MMP16: variants seen among roughly 807,000 people sequenced by gnomAD.
MMP16 encodes the protein matrix metallopeptidase 16.
A neutral mutation model predicts 67.8 loss-of-function variants in MMP16; 12 were observed. The observed-to-expected ratio is 0.18, with a 90% CI of 0.11 to 0.29. MMP16 has a LOEUF of 0.29. Ranked by LOEUF, MMP16 falls within the 10% of genes least tolerant of loss-of-function variation. The pLI, the probability that MMP16 is intolerant of heterozygous loss-of-function variation, is 1.00. For synonymous variants in MMP16, 249 were observed against 255.9 expected, an observed-to-expected ratio of 0.97 and a Z score of 0.26; for missense variants, 475 against 765.7, an observed-to-expected ratio of 0.62 and a Z score of 4.48.
chr8:88,088,084 A>ATATATAATAGATATATATATATC lies in MMP16; in HGVS notation c.1084-13342_1084-13341insGATATATATATATCTATTATATA, dbSNP rs1554577141. ...ATATATAATAGATATCTATATATCT[A>ATATATAATAGATATATATATATC]TATATAATAGATATCTGCTGACTGT... On this transcript the variant is annotated intron_variant, in intron 6 of 9. Coordinates refer to ENST00000286614, the MANE Select transcript of MMP16 (RefSeq NM_005941.5). Among the ~76,000 whole-genome samples the ATATATAATAGATATATATATATC allele has an allele frequency of 2.5e-4, 29 of 113,754 alleles. 1 individual carries two copies. The East Asian group carries it at 6.7e-3, about 26-fold the overall frequency. The allele number at this position is 113,754 out of a possible 152,430, so 74.6% of individuals were successfully genotyped here.
intron 2 of MMP16, among the ~76,000 whole-genome samples, chr8:88,190,395 T>C (rs1809151881): frequency 6.6e-6 from 1 of 152,184 alleles, no homozygotes; most frequent in Non-Finnish European, 1.5e-5. Flanking sequence ...AAACATTTGA[T>C]TTCATAAGCA....
chr8:88,072,688 T>C (rs571297433), intron 7 of MMP16, among the ~76,000 whole-genome samples: 2 of 152,282 alleles, frequency 1.3e-5, no homozygotes, highest in South Asian at 2.1e-4. Context: ...TTAATTGAAA[T>C]GTTTATTGAG....
At chr8:88,173,294 C>T (rs990815345) in intron 3 of MMP16, among the ~76,000 whole-genome samples, 1 of 152,140 alleles carries the variant, frequency 6.6e-6, no homozygotes, top group Non-Finnish European at 1.5e-5. Flanking sequence ...TCAAGCGATT[C>T]ACTCACCTTG....
intron 1 of MMP16, among the ~76,000 whole-genome samples, chr8:88,237,705 T>G (rs771358775): frequency 6.6e-6 from 1 of 152,084 alleles, no homozygotes; most frequent in African/African-American, 2.4e-5. Flanking sequence ...ATCTTGGGTA[T>G]GGCACGTACA....
intron 4 of MMP16, among the ~76,000 whole-genome samples, chr8:88,121,575 T>C (rs1022496867): frequency 9.9e-5 from 15 of 152,010 alleles, no homozygotes; most frequent in Admixed American, 2.0e-4. Context: ...TGCTGTAACT[T>C]ATCATTAATT....
At position 88,327,248 on chromosome 8, in the gene MMP16, T is replaced by C; in HGVS notation, c.-42A>G. 1 of 1,611,036 alleles carries C rather than the reference T, an allele frequency of 6.2e-7. No individual in the cohort carries two copies. ...ATGGATGGACGAGCTCCCCTTCGTT[T>C]TCTCCCTCTCTCCCTCTCCCTCCCT... On this transcript the variant is annotated 5_prime_UTR_variant, in exon 1 of 10. Coordinates refer to ENST00000286614, the MANE Select transcript of MMP16 (RefSeq NM_005941.5).
chr8:88,317,801 C>G (rs1004558050), intron 1 of MMP16, among the ~76,000 whole-genome samples: 1 of 151,894 alleles, frequency 6.6e-6, no homozygotes, highest in African/African-American at 2.4e-5. Flanking sequence ...TTTTTTACAT[C>G]TATTGGTCAA....
chr8:88,266,065 T>C (rs1444235520), intron 1 of MMP16, among the ~76,000 whole-genome samples: 2 of 152,230 alleles, frequency 1.3e-5, no homozygotes, highest in East Asian at 3.8e-4. Flanking sequence ...AGGGACATGA[T>C]TCTCTGTGTA....
intron 7 of MMP16, among the ~76,000 whole-genome samples, chr8:88,060,054 G>C (rs1808378110): frequency 6.6e-6 from 1 of 151,432 alleles, no homozygotes; most frequent in Non-Finnish European, 1.5e-5. Context: ...AGTGTAGCAA[G>C]TTCCTGGCTG....
chr8:88,076,936 C>T (rs981234727), intron 6 of MMP16, among the ~76,000 whole-genome samples: 1 of 152,116 alleles, frequency 6.6e-6, no homozygotes, highest in African/African-American at 2.4e-5. Context: ...CACAAAAGCC[C>T]TTCCCATTGC....
In MMP16 at chr8:88,265,519, G is replaced by A. The variant is rs576347030; in HGVS notation, c.132+61556C>T. On this transcript the variant is annotated intron_variant, in intron 1 of 9. Coordinates refer to ENST00000286614, the MANE Select transcript of MMP16 (RefSeq NM_005941.5). ...ATGAAGCTGTAAGTACTATGACAGA[G>A]ACAACCTAGTAAAATATGGGTAAAG... Among the ~76,000 whole-genome samples the A allele has an allele frequency of 2.6e-5, 4 of 152,204 alleles. No individual in the cohort carries two copies. The South Asian group carries it at 8.3e-4, about 32-fold the overall frequency.
At chr8:88,194,921 T>C (rs768628994) in intron 2 of MMP16, among the ~76,000 whole-genome samples, 4 of 152,150 alleles carry the variant, frequency 2.6e-5, no homozygotes, top group Non-Finnish European at 4.4e-5. Flanking sequence ...AATTATGGGC[T>C]GCCTATATAG....
chr8:88,322,243 ATGT>A (rs1162024748), intron 1 of MMP16, among the ~76,000 whole-genome samples: 3 of 152,148 alleles, frequency 2.0e-5, no homozygotes, highest in Admixed American at 2.0e-4. Context: ...AGCGAACGTG[ATGT>A]TGTAAAAGAA....
At chr8:88,273,082 T>C (rs894619327) in intron 1 of MMP16, among the ~76,000 whole-genome samples, 6 of 149,058 alleles carry the variant, frequency 4.0e-5, no homozygotes, top group Non-Finnish European at 8.9e-5. Flanking sequence ...AAATAGAAAA[T>C]AACCTGCCCT....
intron 4 of MMP16, among the ~76,000 whole-genome samples, chr8:88,136,601 A>G (rs2118490425): frequency 6.6e-6 from 1 of 151,638 alleles, no homozygotes; most frequent in Admixed American, 6.6e-5. Flanking sequence ...TCATTTTTGA[A>G]CTTCATATTA....
chr8:88,176,701 T>C (rs990398038), intron 3 of MMP16, among the ~76,000 whole-genome samples: 1 of 152,202 alleles, frequency 6.6e-6, no homozygotes, highest in Non-Finnish European at 1.5e-5. Context: ...ATCTATAAAG[T>C]CTACTTTGGC....
intron 1 of MMP16, among the ~76,000 whole-genome samples, chr8:88,322,243 A>G (rs1228783974): frequency 6.6e-6 from 1 of 152,264 alleles, no homozygotes; most frequent in Non-Finnish European, 1.5e-5. Context: ...AGCGAACGTG[A>G]TGTTGTAAAA....
chr8:88,118,980 A>G, intron 4 of MMP16, 119 bp from the exon 5 acceptor site: 3 of 953,150 alleles, frequency 3.1e-6, no homozygotes, highest in Non-Finnish European at 4.6e-6. Flanking sequence ...CTTTCCTTCA[A>G]CTATTTGTAT....
At chr8:88,324,150 C>T (rs1232772820) in intron 1 of MMP16, among the ~76,000 whole-genome samples, 1 of 152,132 alleles carries the variant, frequency 6.6e-6, no homozygotes, top group African/African-American at 2.4e-5. Context: ...TAGTACTACT[C>T]CTGGTAGTGT....
Sources: allele counts gnomAD v4.1 joint callset (sites outside exome capture counted in the v4.1 genomes callset), GRCh38; gene constraint gnomAD v4.1.1; transcripts MANE v1.5; gene names NCBI Gene and HGNC (gene_info 2026-07-23, HGNC 2026-07-21).